SNURF: variants seen among roughly 807,000 people sequenced by gnomAD.
The protein encoded by SNURF is SNURF protein.
A neutral mutation model predicts 11.6 loss-of-function variants in SNURF; 6 were observed. That is an observed-to-expected ratio of 0.52 (90% confidence interval 0.28 to 1.02). The LOEUF (loss-of-function observed/expected upper bound fraction) is 1.02. SNURF is among the 50% of genes least tolerant of loss of function. SNURF has a pLI of 0.09. For synonymous variants in SNURF, 29 were observed against 31.6 expected (o/e 0.92, Z 0.27); for missense variants, 84 against 88.4 (o/e 0.95, Z 0.20).
At chr15:24,966,776 A>C (rs1056183178) in intron 2 of SNURF, among the ~76,000 whole-genome samples, 3 of 152,182 alleles carry the variant, frequency 2.0e-5, no homozygotes, top group African/African-American at 7.2e-5. Flanking sequence ...CTGAAAAACC[A>C]TAGAAAAAAG....
At chr15:24,960,046 C>T (rs1378801694) in intron 1 of SNURF, among the ~76,000 whole-genome samples, 2 of 151,932 alleles carry the variant, frequency 1.3e-5, no homozygotes, top group African/African-American at 4.8e-5. Flanking sequence ...GGGTAGATCA[C>T]CTGAGGGCAG....
chr15:24,959,743 G>A (rs576172405), intron 1 of SNURF, among the ~76,000 whole-genome samples: 5 of 152,218 alleles, frequency 3.3e-5, no homozygotes, highest in Admixed American at 6.5e-5. Context: ...AAAGACATTC[G>A]TTTGGATATA....
intron 1 of SNURF, among the ~76,000 whole-genome samples, chr15:24,961,097 A>G (rs1396218863): frequency 6.6e-6 from 1 of 152,042 alleles, no homozygotes; most frequent in East Asian, 1.9e-4. Context: ...AGTCCACTTT[A>G]TTTTTTATAC....
chr15:24,971,044 T>C (rs2076336520), downstream of SNURF, among the ~76,000 whole-genome samples: 2 of 151,074 alleles, frequency 1.3e-5, no homozygotes, highest in South Asian at 4.1e-4. Context: ...CCAACCCTAG[T>C]CATCTTATTT....
At chr15:24,971,438 C>G (rs2076391002), downstream of SNURF, among the ~76,000 whole-genome samples, 1 of 152,160 alleles carries the variant, frequency 6.6e-6, no homozygotes, top group Non-Finnish European at 1.5e-5. Flanking sequence ...AATTCCAAAT[C>G]TGTCTCTTAA....
At chr15:24,969,950 G>A (rs529339824), downstream of SNURF, among the ~76,000 whole-genome samples, 2 of 152,312 alleles carry the variant, frequency 1.3e-5, no homozygotes, top group African/African-American at 4.8e-5. Context: ...GACAGGCAAA[G>A]CCTAAAATAC....
At chr15:24,972,927 G>T (rs897003031), downstream of SNURF, among the ~76,000 whole-genome samples, 1 of 152,052 alleles carries the variant, frequency 6.6e-6, no homozygotes, top group African/African-American at 2.4e-5. Flanking sequence ...TTGCTCTGTT[G>T]CCCAGGCTGG....
At chr15:24,955,175 C>T in intron 1 of SNURF, 113 bp downstream of exon 1, 1 of 1,419,044 alleles carries the variant, frequency 7.0e-7, no homozygotes, top group Non-Finnish European at 9.8e-7. Flanking sequence ...GAATTTGGGC[C>T]CTAAAGTCCT....
At chr15:24,967,735 A>G (rs1227076185) in intron 2 of SNURF, among the ~76,000 whole-genome samples, 197 bp from the exon 3 acceptor site, 2 of 149,986 alleles carry the variant, frequency 1.3e-5, no homozygotes, top group African/African-American at 4.9e-5. Flanking sequence ...TTGAACCCCG[A>G]AGGCAGTGTT....
At position 24,974,579 on chromosome 15, in the gene SNURF, G is replaced by A. The variant is rs954533384; in HGVS notation, c.*46-779G>A. ...AAATAAGGATACATCCATGGATATG[G>A]ATTCTCATTGCATTGAGTATCAGCT... On this transcript the variant is annotated intron_variant and NMD_transcript_variant, in intron 3 of 6. Coordinates refer to the SNURF transcript ENST00000580062. 37 of 908,438 alleles carry A rather than the reference G, an allele frequency of 4.1e-5. No homozygotes were observed. In the Admixed American group the frequency reaches 5.4e-4, roughly 13 times the overall value. The allele number at this position is 908,438 out of a possible 1,614,324, so 56.3% of individuals were successfully genotyped here. A position where few individuals can be genotyped will look rare whatever the true frequency, so the allele number is the denominator to read the frequency against.
At chr15:24,969,621 T>C (rs2076148985), downstream of SNURF, among the ~76,000 whole-genome samples, 1 of 152,222 alleles carries the variant, frequency 6.6e-6, no homozygotes, top group African/African-American at 2.4e-5. Flanking sequence ...TTTAGGAATT[T>C]TTTAGCTTCT....
downstream of SNURF, chr15:24,978,419 C>T: frequency 6.2e-7 from 1 of 1,613,906 alleles, no homozygotes; most frequent in Non-Finnish European, 8.5e-7. Context: ...CCACCTCCCC[C>T]AGGAATGCGT....
At chr15:24,958,438 A>G (rs2074178486) in intron 1 of SNURF, among the ~76,000 whole-genome samples, 1 of 113,092 alleles carries the variant, frequency 8.8e-6, no homozygotes, top group Non-Finnish European at 1.8e-5. Flanking sequence ...GAGAATTGTT[A>G]CTACTTAAGG....
intron 1 of SNURF, among the ~76,000 whole-genome samples, chr15:24,958,397 T>TG (rs1223908035): frequency 1.3e-5 from 2 of 151,684 alleles, no homozygotes; most frequent in African/African-American, 4.8e-5. Flanking sequence ...TTTTTTTTTT[T>TG]TTTTGTGGCC....
intron 2 of SNURF, among the ~76,000 whole-genome samples, chr15:24,964,597 C>T (rs1297416055): frequency 6.6e-6 from 1 of 152,100 alleles, no homozygotes; most frequent in African/African-American, 2.4e-5. Context: ...TGCGCCCAGC[C>T]TCTCCCTTCA....
At chr15:24,959,913 T>C (rs998119411) in intron 1 of SNURF, among the ~76,000 whole-genome samples, 9 of 152,206 alleles carry the variant, frequency 5.9e-5, no homozygotes, top group Admixed American at 1.3e-4. Context: ...TCTTGAAATT[T>C]TGTCTTTTTG....
intron 1 of SNURF, among the ~76,000 whole-genome samples, chr15:24,956,357 G>GGGGC (rs1555404331): frequency 1.3e-5 from 2 of 151,704 alleles, no homozygotes; most frequent in South Asian, 2.1e-4. Context: ...GCTTCAGCGG[G>GGGGC]GGGGTGGCCG....
chr15:24,974,282 G>T (rs2076812559), intron 3 of SNURF: 2 of 642,966 alleles, frequency 3.1e-6, no homozygotes, highest in Non-Finnish European at 5.6e-6. Context: ...GTAGATTGCA[G>T]TGCAGCTTTA....
intron 3 of SNURF, chr15:24,974,430 A>C: frequency 6.2e-7 from 1 of 1,613,016 alleles, no homozygotes; most frequent in South Asian, 1.1e-5. Flanking sequence ...AACTGTGGAC[A>C]TTGGATTTGG....
Sources: allele counts gnomAD v4.1 joint callset (sites outside exome capture counted in the v4.1 genomes callset), GRCh38; gene constraint gnomAD v4.1.1; transcripts MANE v1.5; gene names NCBI Gene and HGNC (gene_info 2026-07-23, HGNC 2026-07-21).